Variants in PLEKHM3 observed in about 807,000 individuals in gnomAD.
PLEKHM3 encodes the protein pleckstrin homology domain-containing family M member 3.
PLEKHM3 carries 45 observed loss-of-function variants against 81.8 expected under a neutral mutation model. That is an observed-to-expected ratio of 0.55 (90% CI 0.43 to 0.71). PLEKHM3 has a LOEUF of 0.71. PLEKHM3 is among the 30% of genes least tolerant of loss of function. PLEKHM3 has a pLI of 0.00. For missense variants in PLEKHM3, 788 were observed against 924.3 expected (o/e 0.85, Z 1.91); for synonymous variants, 352 against 356.4 (o/e 0.99, Z 0.14).
chr2:207,909,064 GC>G (rs993748028), intron 5 of PLEKHM3, among the ~76,000 whole-genome samples: 1 of 152,156 alleles, frequency 6.6e-6, no homozygotes, highest in African/African-American at 2.4e-5. Context: ...GTGTCTAGAG[GC>G]TTCTACGGCT....
chr2:207,990,655 A>G (rs1165889805), intron 2 of PLEKHM3, among the ~76,000 whole-genome samples: 2 of 152,222 alleles, frequency 1.3e-5, no homozygotes, highest in African/African-American at 4.8e-5. Context: ...AGAGAGTGAT[A>G]CTACAGGAAT....
At chr2:207,923,903 ATATTTTT>A (rs1446076693) in intron 5 of PLEKHM3, among the ~76,000 whole-genome samples, 13 of 59,826 alleles carry the variant, frequency 2.2e-4, no homozygotes, top group African/African-American at 6.6e-4. Flanking sequence ...ATATATATAT[ATATTTTT>A]TTTTTTTTTT....
chr2:207,918,338 C>G (rs1247715173), intron 5 of PLEKHM3, among the ~76,000 whole-genome samples: 2 of 152,034 alleles, frequency 1.3e-5, no homozygotes, highest in Non-Finnish European at 2.9e-5. Context: ...CTGGCTAACA[C>G]GGTGAAACCC....
intron 3 of PLEKHM3, among the ~76,000 whole-genome samples, chr2:207,954,889 G>A (rs747076758): frequency 7.2e-5 from 11 of 152,142 alleles, no homozygotes; most frequent in Non-Finnish European, 1.0e-4. Flanking sequence ...ATTATAAATC[G>A]TGTGAAATAA....
intron 7 of PLEKHM3, among the ~76,000 whole-genome samples, chr2:207,829,061 T>G (rs1265012142): frequency 1.9e-4 from 29 of 152,180 alleles, no homozygotes; most frequent in Admixed American, 1.9e-3. Context: ...TTTTAAAAAT[T>G]AGGAAAAAAC....
At chr2:207,852,965 C>T in intron 7 of PLEKHM3, 1 of 372,608 alleles carries the variant, frequency 2.7e-6, no homozygotes, top group South Asian at 2.1e-5. Context: ...GATGATGGAG[C>T]CCTTCTGGGA....
intron 3 of PLEKHM3, among the ~76,000 whole-genome samples, chr2:207,953,333 G>A (rs1690397350): frequency 1.3e-5 from 2 of 152,168 alleles, no homozygotes; most frequent in South Asian, 4.1e-4. Context: ...ATACAATCCT[G>A]AAATGTACTG....
chr2:208,000,980 C>T lies in PLEKHM3; in HGVS notation c.610+50G>A, dbSNP rs1230527646. 5 of 1,391,638 alleles carry T rather than the reference C, an allele frequency of 3.6e-6. No individual in the cohort carries two copies. The East Asian group carries it at 1.3e-4, about 35-fold the overall frequency. The allele number at this position is 1,391,638 out of a possible 1,614,324, so 86.2% of individuals were successfully genotyped here. ...CATACAAGCTTATCTGAGTCACAGC[C>T]CCAAAAAGAAAAAAAAAAAAAAGGA... On this transcript the variant is annotated intron_variant, in intron 2 of 7. Coordinates refer to ENST00000427836, the MANE Select transcript of PLEKHM3 (RefSeq NM_001080475.3).
intron 6 of PLEKHM3, among the ~76,000 whole-genome samples, chr2:207,893,619 G>T (rs1305946154): frequency 6.6e-6 from 1 of 152,092 alleles, no homozygotes; most frequent in Non-Finnish European, 1.5e-5. Context: ...AATGGAAGGG[G>T]ATAGGAATTA....
At position 207,976,052 on chromosome 2, in the gene PLEKHM3, C is replaced by T. The variant is rs1304759792; in HGVS notation, c.1546+599G>A. Among the ~76,000 whole-genome samples the T allele has an allele frequency of 6.6e-6, 1 of 152,160 alleles. No individual in the cohort carries two copies. Among genetic ancestry groups the T allele is most frequent in the African/African-American group, 2.4e-5 (1 of 41,430 alleles). On this transcript the variant is annotated intron_variant, in intron 3 of 7. Transcript: ENST00000427836. The surrounding 1 kb of genome is among the most constrained non-coding windows in gnomAD (Gnocchi z 4.1). Reference sequence around the variant, plus strand: ...ATCCTTACATAGCAGTTCCAGAAGGCCTGGGCTTCCCCATGATGGGCATAA... The same window carrying T: ...ATCCTTACATAGCAGTTCCAGAAGGTCTGGGCTTCCCCATGATGGGCATAA...
chr2:207,946,352 A>G lies in PLEKHM3; in HGVS notation c.1692+15T>C. On this transcript the variant is annotated intron_variant, in intron 4 of 7. Coordinates refer to ENST00000427836, the MANE Select transcript of PLEKHM3 (RefSeq NM_001080475.3). ...TGAATTATTATTATTAAGTGAACTG[A>G]GTTTTTGTACCTACCTTATACTTTG... 2 of 1,607,224 alleles carry G rather than the reference A, an allele frequency of 1.2e-6. No homozygotes were observed. Among genetic ancestry groups the G allele is most frequent in the Admixed American group, 1.7e-5 (1 of 59,458 alleles).
chr2:207,842,173 A>G lies in PLEKHM3; in HGVS notation c.2109-13677T>C, dbSNP rs2092358387. On this transcript the variant is annotated intron_variant, in intron 7 of 7. Transcript: ENST00000427836. ...AGGATGGCCTCGATCTGACCTCGTG[A>G]TCCGCCTGCCTCTGCCTCCCAAAGT... is the stretch of plus-strand genomic sequence containing the variant. 2.6e-5 allele frequency among the ~76,000 whole-genome samples: 4 copies of G among 152,204 alleles called. No homozygotes were observed. In the South Asian group the frequency reaches 8.3e-4, roughly 31 times the overall value.
chr2:207,834,694 GGATT>G (rs1240589793), intron 7 of PLEKHM3, among the ~76,000 whole-genome samples: 2 of 151,846 alleles, frequency 1.3e-5, no homozygotes, highest in Non-Finnish European at 2.9e-5. Context: ...CAAAGTGCTG[GGATT>G]ACAGGCGTGA....
rs771459457 is a variant in PLEKHM3, at chr2:207,828,268, G to C, written c.*51C>G. 6.4e-7 allele frequency: 1 copy of C among 1,573,418 alleles called. No homozygotes were observed. The highest frequency in any genetic ancestry group is 8.6e-7 in the Non-Finnish European group (1 of 1,158,190). On this transcript the variant is annotated 3_prime_UTR_variant, in exon 8 of 8. Transcript: ENST00000427836. The stretch of plus-strand genomic sequence containing the variant: ...ACTGGCTAGTTAGGAGGCCGCTCTG[G>C]GGCTGATGGATTGTTGATTGGTGAA...
chr2:207,981,432 C>T (rs973304807), intron 2 of PLEKHM3, among the ~76,000 whole-genome samples: 4 of 152,114 alleles, frequency 2.6e-5, no homozygotes, highest in African/African-American at 9.7e-5. Context: ...CAGCCTTGAA[C>T]TCCTAGAGGT....
At chr2:208,011,622 AG>A (rs1193040405) in intron 1 of PLEKHM3, among the ~76,000 whole-genome samples, 1 of 151,454 alleles carries the variant, frequency 6.6e-6, no homozygotes, top group Non-Finnish European at 1.5e-5. Context: ...CAGGGTGGGG[AG>A]GGGGTGAGGA....
At chr2:207,950,397 C>T (rs1305337281) in intron 3 of PLEKHM3, among the ~76,000 whole-genome samples, 6 of 152,220 alleles carry the variant, frequency 3.9e-5, no homozygotes, top group Non-Finnish European at 7.3e-5. Flanking sequence ...GCTTCCTCAC[C>T]ACAAAATAAA....
chr2:207,941,291 T>C (rs946750344), intron 4 of PLEKHM3, among the ~76,000 whole-genome samples: 19 of 152,158 alleles, frequency 1.2e-4, no homozygotes, highest in Non-Finnish European at 2.4e-4. Flanking sequence ...CATAGACCAA[T>C]GGAACAGAAC....
intron 2 of PLEKHM3, among the ~76,000 whole-genome samples, chr2:207,982,323 G>A (rs1691559089): frequency 1.3e-5 from 2 of 148,594 alleles, no homozygotes; most frequent in African/African-American, 5.0e-5. Flanking sequence ...AGGCTGGACA[G>A]CAGTGGTACA....
Sources: gnomAD v4.1 joint callset for allele counts (sites outside exome capture counted in the v4.1 genomes callset) on GRCh38, gnomAD v4.1.1 for gene constraint, Gnocchi (gnomAD v3.1) non-coding constraint, MANE v1.5 for transcripts, NCBI Gene and HGNC (gene_info 2026-07-23, HGNC 2026-07-21) for gene names.